NOMO3: variants seen among roughly 807,000 people sequenced by gnomAD.
NOMO3 encodes BOS complex subunit NOMO3.
Under a neutral mutation model 69.9 loss-of-function variants are expected in NOMO3, and 15 were observed. The observed-to-expected ratio is 0.21, with a 90% confidence interval of 0.14 to 0.33. The LOEUF (loss-of-function observed/expected upper bound fraction) is 0.33. Ranked by LOEUF, NOMO3 falls within the 10% of genes least tolerant of loss-of-function variation. The pLI is 1.00. For synonymous variants in NOMO3, 89 were observed against 301.9 expected (o/e 0.29, Z 7.31); for missense variants, 218 against 761.0 (o/e 0.29, Z 8.39).
rs1478622934 is a variant in NOMO3 at position 16,235,958 on chromosome 16, A to G, written c.166-943A>G. On this transcript the variant is annotated intron_variant, in intron 1 of 30. Transcript: ENST00000399336. The stretch of plus-strand genomic sequence containing the variant: ...TGCCCAAGGCCACGCAACACGTGGA[A>G]GACTCAGATGGCATTTGGGCATCTT... 3 of 380,324 alleles carry G rather than the reference A, an allele frequency of 7.9e-6. 1 individual carries two copies. The highest frequency in any genetic ancestry group is 4.7e-5 in the African/African-American group (2 of 42,224). The allele number at this position is 380,324 out of a possible 1,614,324, so 23.6% of individuals were successfully genotyped here. A position where few individuals can be genotyped will look rare whatever the true frequency, so the allele number is the denominator to read the frequency against.
rs1466134183 is a variant in NOMO3 at position 16,258,913 on chromosome 16, T to C, written c.1221-2589T>C. On this transcript the variant is annotated intron_variant, in intron 11 of 30. Coordinates refer to ENST00000399336, the MANE Select transcript of NOMO3 (RefSeq NM_001004067.4). The stretch of plus-strand genomic sequence containing the variant: ...GTTGGCAAGGGAGTGATAGGGATCA[T>C]GGTACTTTAAAAAGTTTGTTTTTCT... 3.5e-5 allele frequency among the ~76,000 whole-genome samples: 5 copies of C among 141,284 alleles called. 1 individual carries two copies. The highest frequency in any genetic ancestry group is 1.5e-4 in the African/African-American group (5 of 33,960). 92.7% of individuals were successfully genotyped at this position (141,284 alleles called of 152,430 possible).
intron 29 of NOMO3, among the ~76,000 whole-genome samples, chr16:16,291,872 CAG>C (rs1169310283): frequency 8.8e-6 from 1 of 113,640 alleles, no homozygotes; most frequent in Non-Finnish European, 1.8e-5. Context: ...TTTTCTGAGA[CAG>C]AGTCTTGCTT....
intron 3 of NOMO3, among the ~76,000 whole-genome samples, chr16:16,241,264 A>G (rs2049371737): frequency 7.0e-6 from 1 of 143,530 alleles, no homozygotes; most frequent in Non-Finnish European, 1.5e-5. Flanking sequence ...AAATGCTATC[A>G]TGCAGGGAAC....
At position 16,255,960 on chromosome 16, in the gene NOMO3, C is replaced by T. The variant is rs753018111; in HGVS notation, c.1070-48C>T. 67 of 1,573,954 alleles carry T rather than the reference C, an allele frequency of 4.3e-5. 4 individuals are homozygous for T. The highest frequency in any genetic ancestry group is 1.7e-4 in the Middle Eastern group (1 of 5,752). ...GTATTCTGGTGTACATGTAAGGATACACTGTTGTTTTTGGCTTATCTTCTG... is the reference window on the plus strand; with the variant it reads ...GTATTCTGGTGTACATGTAAGGATATACTGTTGTTTTTGGCTTATCTTCTG... On this transcript the variant is annotated intron_variant, in intron 10 of 30. Coordinates refer to ENST00000399336, the MANE Select transcript of NOMO3 (RefSeq NM_001004067.4).
rs374218930 is a variant in NOMO3 at position 16,255,862 on chromosome 16, G to A, written c.1069+37G>A. 6.5e-4 allele frequency: 978 copies of A among 1,499,920 alleles called. 144 individuals are homozygous for A. In the African/African-American group the frequency reaches 0.016, roughly 24 times the overall value. The allele number at this position is 1,499,920 out of a possible 1,614,324, so 92.9% of individuals were successfully genotyped here. On this transcript the variant is annotated intron_variant, in intron 10 of 30. Transcript: ENST00000399336. ...CAGCAGCCCCAGGCTGATGGCCAGC[G>A]CTCTTTTTGGATCACAGAGAGAAAT...
chr16:16,266,017 T>C (rs1064357), intron 15 of NOMO3, among the ~76,000 whole-genome samples: 5,403 of 142,684 alleles, frequency 0.038, 152 homozygotes, highest in African/African-American at 0.07. Context: ...TTTGTTCCAG[T>C]GCAGGGGAAG....
chr16:16,258,192 A>AAAAT (rs1290763363), intron 11 of NOMO3, among the ~76,000 whole-genome samples: 1 of 142,958 alleles, frequency 7.0e-6, no homozygotes, highest in Non-Finnish European at 1.5e-5. Flanking sequence ...ACCTGGTCTA[A>AAAAT]AAATAAATAA....
rs2049308098 is a variant in NOMO3 at position 16,234,286 on chromosome 16, A to G, written c.165+1455A>G. Among the ~76,000 whole-genome samples, 7 of 148,298 alleles carry G rather than the reference A, an allele frequency of 4.7e-5. No individual in the cohort carries two copies. In the South Asian group the frequency reaches 1.5e-3, roughly 32 times the overall value. On this transcript the variant is annotated intron_variant, in intron 1 of 30. Coordinates refer to ENST00000399336, the MANE Select transcript of NOMO3 (RefSeq NM_001004067.4). The stretch of plus-strand genomic sequence containing the variant: ...CAAGAGGCCGCTAAGGCCTCTTGCA[A>G]CTTGTAGTTTCCAGGGGTTCTGGAA...
chr16:16,259,298 G>A (rs1361110926), intron 11 of NOMO3, among the ~76,000 whole-genome samples: 5 of 144,246 alleles, frequency 3.5e-5, no homozygotes, highest in Non-Finnish European at 7.4e-5. Context: ...TTAATTGGCC[G>A]ATGTAGTACA....
At chr16:16,250,319 GA>G (rs1351351997) in intron 6 of NOMO3, among the ~76,000 whole-genome samples, 1 of 131,014 alleles carries the variant, frequency 7.6e-6, no homozygotes, top group Non-Finnish European at 1.6e-5. Context: ...ATTAAAAATA[GA>G]AAAAAAGGCA....
chr16:16,258,864 C>CAA (rs1354381104), intron 11 of NOMO3, among the ~76,000 whole-genome samples: 3 of 108,872 alleles, frequency 2.8e-5, no homozygotes, highest in African/African-American at 1.2e-4. Context: ...GATTCCGTCT[C>CAA]AAAAAAAAAA....
At chr16:16,244,511 CTTTTTTTTTT>C (rs1203597061) in intron 4 of NOMO3, among the ~76,000 whole-genome samples, 1 of 52,484 alleles carries the variant, frequency 1.9e-5, no homozygotes, top group Non-Finnish European at 3.5e-5. Context: ...TGTACATTTA[CTTTTTTTTTT>C]TTTTTTTTTT....
At chr16:16,249,305 G>A (rs2141251458) in intron 6 of NOMO3, among the ~76,000 whole-genome samples, 1 of 145,596 alleles carries the variant, frequency 6.9e-6, no homozygotes, top group South Asian at 2.2e-4. Flanking sequence ...TCGAGGCTGG[G>A]CGCAGTTGCT....
At chr16:16,255,190 G>A (rs1216231105) in intron 9 of NOMO3, among the ~76,000 whole-genome samples, 1 of 141,724 alleles carries the variant, frequency 7.1e-6, no homozygotes, top group Non-Finnish European at 1.5e-5. Flanking sequence ...TGGGATTACA[G>A]GCGTGAACCA....
In NOMO3 at chr16:16,257,763, C is replaced by A. The variant is rs2049523865; in HGVS notation, c.1220+1605C>A. On this transcript the variant is annotated intron_variant, in intron 11 of 30. Transcript: ENST00000399336. ...GGTGAACACAGTCCCCTGGCTTGAT[C>A]ACTGAGGAGGCCACAGTGACTCTTT... Among the ~76,000 whole-genome samples the A allele has an allele frequency of 2.1e-5, 3 of 143,752 alleles. 1 individual carries two copies. The highest frequency in any genetic ancestry group is 8.6e-5 in the African/African-American group (3 of 35,068). The allele number at this position is 143,752 out of a possible 152,430, so 94.3% of individuals were successfully genotyped here.
chr16:16,239,187 G>A (rs2049355260), intron 2 of NOMO3, among the ~76,000 whole-genome samples: 1 of 144,060 alleles, frequency 6.9e-6, no homozygotes, highest in African/African-American at 2.8e-5. Context: ...ATCCCCTTCC[G>A]CTGCCCATGC....
chr16:16,265,110 C>T lies in NOMO3; in HGVS notation c.1737C>T (p.Asp579=), dbSNP rs1253527915. The change falls in exon 15 of 31, where the codon GAC becomes GAT. Residue 579 remains aspartate, a synonymous_variant. Transcript: ENST00000399336. ...KSLEVEVLED[D]VSAVEFRQTG... The stretch of plus-strand genomic sequence containing the variant: ...TGGAGGTGGAAGTGCTGGAGGATGA[C>T]GTGTCTGCAGTTGAGTTCAGGCAGA... 8 of 1,580,158 alleles carry T rather than the reference C, an allele frequency of 5.1e-6. 1 individual carries two copies. The highest frequency in any genetic ancestry group is 6.8e-6 in the Non-Finnish European group (8 of 1,174,854).
chr16:16,235,861 T>C (rs1389068990), intron 1 of NOMO3: 1 of 443,326 alleles, frequency 2.3e-6, no homozygotes, highest in Non-Finnish European at 4.4e-6. Flanking sequence ...TAATATGCAT[T>C]GATGTGAATC....
Position 16,267,115 on chromosome 16 carries a change from C to T in NOMO3, c.1878C>T (p.Phe626=), listed in dbSNP as rs2049626106. ...ACCTCTCCAAAGGAGTCAACCGATT[C>T]TGCCTGTCCAAGCCTGGTAAGTTTG... ...IYNLSKGVNR[F]CLSKPGVYKV... is the part of the protein sequence containing the mutation. The change falls in exon 16 of 31, where the codon TTC becomes TTT. Residue 626 remains phenylalanine, a synonymous_variant. Coordinates refer to ENST00000399336, the MANE Select transcript of NOMO3 (RefSeq NM_001004067.4). 1.2e-6 allele frequency: 1 copy of T among 811,936 alleles called. No individual in the cohort carries two copies. Among genetic ancestry groups the T allele is most frequent in the Non-Finnish European group, 2.0e-6 (1 of 501,906 alleles). 50.3% of individuals were successfully genotyped at this position (811,936 alleles called of 1,614,324 possible).
Sources: allele counts gnomAD v4.1 joint callset (sites outside exome capture counted in the v4.1 genomes callset), GRCh38; gene constraint gnomAD v4.1.1; transcripts MANE v1.5; gene names NCBI Gene and HGNC (gene_info 2026-07-23, HGNC 2026-07-21).